Variants in CRNN observed in about 807,000 individuals in gnomAD.
CRNN encodes the protein 53 kDa putative calcium-binding protein.
Under a neutral mutation model 44.7 loss-of-function variants are expected in CRNN, and 39 were observed. The observed-to-expected ratio is 0.87, with a 90% CI of 0.68 to 1.14. CRNN has a LOEUF of 1.14. Ranked by LOEUF, CRNN falls within the 50% of genes most tolerant of loss-of-function variation. The pLI is 0.00. For synonymous variants in CRNN, 240 were observed against 231.8 expected, an observed-to-expected ratio of 1.04 and a Z score of -0.32; for missense variants, 606 against 605.1, an observed-to-expected ratio of 1.00 and a Z score of -0.02.
At chr1:152,411,296 C>T (rs942360528) in intron 2 of CRNN, among the ~76,000 whole-genome samples, 3 of 152,192 alleles carry the variant, frequency 2.0e-5, no homozygotes, top group South Asian at 4.1e-4. Flanking sequence ...GGCACTGAGG[C>T]CTTAGTCTCT....
Position 152,410,127 on chromosome 1 carries a change from C to A in CRNN, c.955G>T (p.Glu319Ter). The change falls in exon 3 of 3, where the codon GAG (glutamate) becomes TAG (stop). Residue 319 changes from glutamate (E) to a stop codon, truncating the protein, a stop_gained. Coordinates refer to ENST00000271835, the MANE Select transcript of CRNN (RefSeq NM_016190.3). LOFTEE classifies it high-confidence loss of function. ...QTGSTSTQTQESTNGQNRGTE... is the reference protein window; with the variant it reads ...QTGSTSTQTQ ...CCTCTGTTCTGGCCATTGGTGGACT[C>A]CTGTGTCTGGGTGCTGGTGCTTCCT... The A allele has an allele frequency of 6.2e-7, 1 of 1,613,162 alleles. No homozygotes were observed. Among genetic ancestry groups the A allele is most frequent in the Non-Finnish European group, 8.5e-7 (1 of 1,179,860 alleles).
intron 2 of CRNN, among the ~76,000 whole-genome samples, chr1:152,411,403 A>G (rs528024139): frequency 2.0e-5 from 3 of 152,254 alleles, no homozygotes; most frequent in Admixed American, 6.5e-5. Context: ...CCCATGATAA[A>G]GAGGGAGGGA....
chr1:152,410,809 C>T lies in CRNN; in HGVS notation c.273G>A (p.Glu91=), dbSNP rs968607348. The part of the protein sequence containing the change: ...VAQACFKTLS[E]SAEGACGSQE... Reference sequence around the variant, plus strand: ...GAGAGCCGCAGGCTCCCTCAGCACTCTCGCTCAGTGTCTTGAAACAGGCCT... The same window carrying T: ...GAGAGCCGCAGGCTCCCTCAGCACTTTCGCTCAGTGTCTTGAAACAGGCCT... Residue 91 remains glutamate (E), a synonymous_variant, in exon 3 of 3, where the codon GAG becomes GAA. Coordinates refer to ENST00000271835, the MANE Select transcript of CRNN (RefSeq NM_016190.3). 1 of 1,614,252 alleles carries T rather than the reference C, an allele frequency of 6.2e-7. No individual in the cohort carries two copies. The highest frequency in any genetic ancestry group is 1.3e-5 in the African/African-American group (1 of 75,074).
At position 152,410,739 on chromosome 1, in the gene CRNN, C is replaced by T. The variant is rs531893930; in HGVS notation, c.343G>A (p.Glu115Lys). 1.1e-5 allele frequency: 17 copies of T among 1,614,174 alleles called. No individual in the cohort carries two copies. Among genetic ancestry groups the T allele is most frequent in the African/African-American group, 4.0e-5 (3 of 75,074 alleles). ...LHSGASQELGEGQRSGTEVGR... is the reference protein window; with the variant it reads ...LHSGASQELGKGQRSGTEVGR... ...ACTTCAGTGCCACTTCTCTGTCCTT[C>T]GCCCAGCTCCTGCGAGGCCCCAGAG... Residue 115 changes from glutamate (E) to lysine (K), a missense_variant, in exon 3 of 3, where the codon GAA becomes AAA. Physicochemically the swap from Glu to Lys is moderately conservative, Grantham distance 56 (BLOSUM62 1). Coordinates refer to ENST00000271835, the MANE Select transcript of CRNN (RefSeq NM_016190.3).
In CRNN at chr1:152,410,246, C is replaced by T. The variant is rs1343408804; in HGVS notation, c.836G>A (p.Ser279Asn). The T allele has an allele frequency of 6.2e-7, 1 of 1,613,584 alleles. No homozygotes were observed. ...AGCATGTCCTCCTGTCACAGCCTGGCTGGTCTGGCTCCTGCCTTGACCGTG... is the reference window on the plus strand; with the variant it reads ...AGCATGTCCTCCTGTCACAGCCTGGTTGGTCTGGCTCCTGCCTTGACCGTG... Reference protein sequence around the residue: ...ETHGQGRSQTSQAVTGGHAQI... With the variant: ...ETHGQGRSQTNQAVTGGHAQI... The change falls in exon 3 of 3, where the codon AGC becomes AAC. Residue 279 changes from serine to asparagine, a missense_variant. Coordinates refer to ENST00000271835, the MANE Select transcript of CRNN (RefSeq NM_016190.3).
intron 2 of CRNN, among the ~76,000 whole-genome samples, 191 bp downstream of exon 2, chr1:152,411,905 C>G (rs750428070): frequency 9.9e-5 from 15 of 152,136 alleles, no homozygotes; most frequent in Non-Finnish European, 2.1e-4. Context: ...ATCTAAAGAG[C>G]CAGGACTTGC....
rs1445509578 is a variant in CRNN at position 152,409,629 on chromosome 1, C to A, written c.1453G>T (p.Glu485Ter). The change falls in exon 3 of 3, where the codon GAG (glutamate) becomes TAG (stop). Residue 485 changes from glutamate to a stop codon, truncating the protein, a stop_gained. Coordinates refer to ENST00000271835, the MANE Select transcript of CRNN (RefSeq NM_016190.3). LOFTEE classifies it high-confidence loss of function. ...GTGCTTCTCAAGTAGGAATACAGCT[C>A]TCTAGCTGTGATGCCTCGCTTCTCT... Reference protein sequence around the residue: ...SEEKRGITARELYSYLRSTKP With the variant: ...SEEKRGITAR 2 of 1,613,666 alleles carry A rather than the reference C, an allele frequency of 1.2e-6. No homozygotes were observed. Among genetic ancestry groups the A allele is most frequent in the Admixed American group, 3.3e-5 (2 of 60,000 alleles).
At position 152,412,205 on chromosome 1, in the gene CRNN, C is replaced by A. The variant is rs554590431; in HGVS notation, c.29G>T (p.Gly10Val). 6.2e-7 allele frequency: 1 copy of A among 1,611,720 alleles called. No individual in the cohort carries two copies. Among genetic ancestry groups the A allele is most frequent in the Admixed American group, 1.7e-5 (1 of 59,972 alleles). The change falls in exon 2 of 3, where the codon GGG becomes GTG. Residue 10 changes from glycine (G) to valine (V), a missense_variant. Gly to Val is a moderately radical substitution (Grantham distance 109). Coordinates refer to ENST00000271835, the MANE Select transcript of CRNN (RefSeq NM_016190.3). ...ATAGCGCCTGAAGGCCTCGATGATC[C>A]CATTAATGTTTTGCAGTAACTGAGG... is the stretch of plus-strand genomic sequence containing the variant. Reference protein sequence around the residue: MPQLLQNINGIIEAFRRYAR... With the variant: MPQLLQNINVIIEAFRRYAR...
rs1456842948 is a variant in CRNN at position 152,409,906 on chromosome 1, G to T, written c.1176C>A (p.Asn392Lys). Residue 392 changes from asparagine to lysine, a missense_variant, in exon 3 of 3, where the codon AAC (asparagine) becomes AAA (lysine). Asn to Lys is a moderately conservative substitution (Grantham distance 94, BLOSUM62 0). Coordinates refer to ENST00000271835, the MANE Select transcript of CRNN (RefSeq NM_016190.3). ...CCGGTACTGTCTCTCCTGCCTCAGG[G>T]TTGCTCACTTGCATCCATCTTTGAC... ...GSGQRWMQVS[N>K]PEAGETVPGG... The T allele has an allele frequency of 1.9e-6, 3 of 1,613,998 alleles. No homozygotes were observed. The highest frequency in any genetic ancestry group is 1.7e-5 in the Admixed American group (1 of 59,988).
At position 152,410,605 on chromosome 1, in the gene CRNN, A is replaced by T. The variant is rs1655725545; in HGVS notation, c.477T>A (p.Thr159=). 1 of 1,613,966 alleles carries T rather than the reference A, an allele frequency of 6.2e-7. No homozygotes were observed. Among genetic ancestry groups the T allele is most frequent in the African/African-American group, 1.3e-5 (1 of 74,892 alleles). ...CATAGCTGCTGACCCACGCAGAGCCAGTGGCCTGACCCTGGGTCTGAACCC... is the reference window on the plus strand; with the variant it reads ...CATAGCTGCTGACCCACGCAGAGCCTGTGGCCTGACCCTGGGTCTGAACCC... ...RPGVQTQGQA[T]GSAWVSSYDR... The change falls in exon 3 of 3, where the codon ACT becomes ACA. Residue 159 remains threonine (T), a synonymous_variant. Transcript: ENST00000271835.
At position 152,409,443 on chromosome 1, in the gene CRNN, G is replaced by T; in HGVS notation, c.*151C>A. On this transcript the variant is annotated 3_prime_UTR_variant, in exon 3 of 3. Transcript: ENST00000271835. ...AAGAGTTCAGGATAGAAAGCTCCTT[G>T]CAGAAATTATCTCATTGAGAAAGAC... 7.3e-7 allele frequency: 1 copy of T among 1,372,940 alleles called. No homozygotes were observed. Among genetic ancestry groups the T allele is most frequent in the Non-Finnish European group, 9.7e-7 (1 of 1,035,766 alleles). 85.0% of individuals were successfully genotyped at this position (1,372,940 alleles called of 1,614,324 possible).
intron 2 of CRNN, 98 bp from the exon 3 acceptor site, chr1:152,411,041 A>G (rs1655746745): frequency 6.8e-7 from 1 of 1,475,254 alleles, no homozygotes; most frequent in Non-Finnish European, 8.9e-7. Flanking sequence ...CTCAGACCCC[A>G]CACTACACAC....
At position 152,409,718 on chromosome 1, in the gene CRNN, AG is replaced by A. The variant is rs1655691624; in HGVS notation, c.1363del (p.Leu455TrpfsTer36). On this transcript the variant is annotated frameshift_variant, in exon 3 of 3. Transcript: ENST00000271835. LOFTEE classifies it high-confidence loss of function. ...DHSRETVILR[L>X]DQGNLHTSVS... ...ACTGGTATGCAAGTTGCCCTGGTCCAGCCTGAGGATCACTGTCTCCCTTGAG... is the reference window on the plus strand; with the variant it reads ...ACTGGTATGCAAGTTGCCCTGGTCCACCTGAGGATCACTGTCTCCCTTGAG... 1 of 1,614,096 alleles carries A rather than the reference AG, an allele frequency of 6.2e-7. No individual in the cohort carries two copies. The highest frequency in any genetic ancestry group is 8.5e-7 in the Non-Finnish European group (1 of 1,180,038).
At chr1:152,411,282 C>A (rs1050786136) in intron 2 of CRNN, among the ~76,000 whole-genome samples, 1 of 152,154 alleles carries the variant, frequency 6.6e-6, no homozygotes, top group African/African-American at 2.4e-5. Context: ...GGCACCTTGC[C>A]CCTGGCACTG....
In CRNN at chr1:152,411,828, C is replaced by G. The variant is rs140796449; in HGVS notation, c.138+268G>C. On this transcript the variant is annotated intron_variant, in intron 2 of 2. Coordinates refer to ENST00000271835, the MANE Select transcript of CRNN (RefSeq NM_016190.3). Reference sequence around the variant, plus strand: ...AAATATTCCAAGGCTCTGCTCCTGTCTGAGTTGTCCTTTTAGAGCCCTTTT... The same window carrying G: ...AAATATTCCAAGGCTCTGCTCCTGTGTGAGTTGTCCTTTTAGAGCCCTTTT... Among the ~76,000 whole-genome samples the G allele has an allele frequency of 2.6e-3, 394 of 152,312 alleles. 1 individual carries two copies. The highest frequency in any genetic ancestry group is 7.9e-3 in the African/African-American group (329 of 41,564).
intron 1 of CRNN, among the ~76,000 whole-genome samples, 182 bp from the exon 2 acceptor site, chr1:152,412,428 C>T (rs1460639940): frequency 6.6e-6 from 1 of 152,106 alleles, no homozygotes; most frequent in East Asian, 1.9e-4. Flanking sequence ...GAGGCAGGTT[C>T]CTGAGTCAGG....
chr1:152,412,167 C>T lies in CRNN; in HGVS notation c.67G>A (p.Gly23Ser). The part of the protein sequence containing the change: ...EAFRRYARTE[G>S]NCTALTRGEL... ...CCTCGGGTGAGCGCTGTGCAGTTGCCCTCCGTCCTTGCATAGCGCCTGAAG... is the reference window on the plus strand; with the variant it reads ...CCTCGGGTGAGCGCTGTGCAGTTGCTCTCCGTCCTTGCATAGCGCCTGAAG... Residue 23 changes from glycine (G) to serine (S), a missense_variant, in exon 2 of 3, where the codon GGC becomes AGC. Transcript: ENST00000271835. 1 of 1,613,722 alleles carries T rather than the reference C, an allele frequency of 6.2e-7. No homozygotes were observed. The highest frequency in any genetic ancestry group is 1.3e-5 in the African/African-American group (1 of 75,024).
chr1:152,411,510 C>T (rs1414851291), intron 2 of CRNN, among the ~76,000 whole-genome samples: 3 of 152,192 alleles, frequency 2.0e-5, no homozygotes, highest in Non-Finnish European at 4.4e-5. Flanking sequence ...ATCCTGGTTG[C>T]TTTAGATGCA....
intron 1 of CRNN, among the ~76,000 whole-genome samples, chr1:152,412,983 C>T (rs57180647): frequency 0.011 from 1,646 of 152,248 alleles, 26 homozygotes; most frequent in African/African-American, 0.038. Context: ...ATTCCAGGGA[C>T]ACAGCCCTCC....
Sources: gnomAD v4.1 joint callset for allele counts (sites outside exome capture counted in the v4.1 genomes callset) on GRCh38, gnomAD v4.1.1 for gene constraint, MANE v1.5 for transcripts, NCBI Gene and HGNC (gene_info 2026-07-23, HGNC 2026-07-21) for gene names.